Variants in ATP13A5 observed in about 807,000 individuals in gnomAD.
ATP13A5 encodes the protein ATPase 13A5.
Under a neutral mutation model 150.2 loss-of-function variants are expected in ATP13A5, and 149 were observed. That is an observed-to-expected ratio of 0.99 (90% CI 0.87 to 1.14). The LOEUF (loss-of-function observed/expected upper bound fraction) is 1.14. ATP13A5 is among the 50% of genes most tolerant of loss of function. The pLI is 0.00. For missense variants in ATP13A5, 1,383 were observed against 1,449.3 expected, an observed-to-expected ratio of 0.95 and a Z score of 0.74; for synonymous variants, 497 against 522.2, an observed-to-expected ratio of 0.95 and a Z score of 0.66.
chr3:193,367,608 T>C (rs1034446003), intron 1 of ATP13A5, among the ~76,000 whole-genome samples: 1 of 152,110 alleles, frequency 6.6e-6, no homozygotes, highest in Admixed American at 6.6e-5. Context: ...AAATCAATGA[T>C]ATATTAAAAG....
chr3:193,306,929 C>T (rs1370864773), intron 22 of ATP13A5, among the ~76,000 whole-genome samples: 1 of 152,124 alleles, frequency 6.6e-6, no homozygotes, highest in Non-Finnish European at 1.5e-5. Flanking sequence ...CTTTAATCAT[C>T]AGTTTCAAAC....
chr3:193,299,282 G>T, intron 24 of ATP13A5, 79 bp from the exon 25 acceptor site: 1 of 1,091,976 alleles, frequency 9.2e-7, no homozygotes, highest in Non-Finnish European at 1.3e-6. Flanking sequence ...CTCTTTTTAA[G>T]TCGTTAGGAG....
intron 1 of ATP13A5, among the ~76,000 whole-genome samples, chr3:193,364,551 G>A (rs1002164208): frequency 3.9e-5 from 6 of 152,090 alleles, no homozygotes; most frequent in African/African-American, 1.2e-4. Context: ...ATTCATAAGA[G>A]TCACCTCAGA....
chr3:193,355,398 C>T (rs987338661), intron 5 of ATP13A5, among the ~76,000 whole-genome samples: 1 of 152,132 alleles, frequency 6.6e-6, no homozygotes, highest in East Asian at 1.9e-4. Context: ...TTTCCAGGAT[C>T]GCAAAGCTAG....
chr3:193,326,863 T>C (rs1719484175), intron 13 of ATP13A5, 133 bp downstream of exon 13: 1 of 744,254 alleles, frequency 1.3e-6, no homozygotes, highest in Non-Finnish European at 2.3e-6. Context: ...GTTAGAATAA[T>C]TAGGAACTAG....
At position 193,305,596 on chromosome 3, in the gene ATP13A5, T is replaced by C. The variant is rs1165257825; in HGVS notation, c.2641A>G (p.Lys881Glu). The change falls in exon 23 of 30, where the codon AAA (lysine) becomes GAA (glutamate). Residue 881 changes from lysine (K) to glutamate (E), a missense_variant. This residue lies in a region of ATP13A5 where 568 missense variants were observed against 621.5 expected (regional missense o/e 0.91). Coordinates refer to ENST00000342358, the MANE Select transcript of ATP13A5 (RefSeq NM_198505.4). ...GGCACACACTGGATGTTGGTTGTTT[T>C]AGAGGTAAAAGGGGATGCCACAGAT... is the stretch of plus-strand genomic sequence containing the variant. The part of the protein sequence containing the change: ...EASVASPFTS[K>E]TTNIQCVPHL... 3 of 1,613,860 alleles carry C rather than the reference T, an allele frequency of 1.9e-6. No individual in the cohort carries two copies. The highest frequency in any genetic ancestry group is 2.5e-6 in the Non-Finnish European group (3 of 1,179,882).
At chr3:193,371,087 G>A (rs190179513) in intron 1 of ATP13A5, among the ~76,000 whole-genome samples, 5 of 152,292 alleles carry the variant, frequency 3.3e-5, no homozygotes, top group Admixed American at 2.6e-4. Flanking sequence ...AGCTGTAAGT[G>A]TGGGTCAAAA....
intron 14 of ATP13A5, 135 bp from the exon 15 acceptor site, chr3:193,322,709 T>C (rs1252309845): frequency 3.1e-6 from 2 of 648,682 alleles, no homozygotes; most frequent in Admixed American, 2.9e-5. Flanking sequence ...ATTATCTTAA[T>C]ACTGTCATTG....
chr3:193,351,067 C>T lies in ATP13A5; in HGVS notation c.741G>A (p.Gln247=), dbSNP rs1421306341. Residue 247 remains glutamine (Q), a splice_region_variant and synonymous_variant, in exon 7 of 30, where the codon CAG becomes CAA. Transcript: ENST00000342358. The part of the protein sequence containing the change: ...SIVLSVYDLR[Q]QSVKLHNLVE... Reference sequence around the variant, plus strand: ...ATCTGGCTGTGATTTCAGGTCTTACCTGTCGCAAATCATACACACTTAAGA... The same window carrying T: ...ATCTGGCTGTGATTTCAGGTCTTACTTGTCGCAAATCATACACACTTAAGA... 2 of 1,612,880 alleles carry T rather than the reference C, an allele frequency of 1.2e-6. No homozygotes were observed. Among genetic ancestry groups the T allele is most frequent in the East Asian group, 2.2e-5 (1 of 44,782 alleles).
At position 193,290,348 on chromosome 3, in the gene ATP13A5, A is replaced by C. The variant is rs148887410; in HGVS notation, c.2849-289T>G. Among the ~76,000 whole-genome samples, 13 of 152,240 alleles carry C rather than the reference A, an allele frequency of 8.5e-5. No homozygotes were observed. In the East Asian group the frequency reaches 2.5e-3, roughly 29 times the overall value. ...GTGCAACTATTTCCTCCATAACCAG[A>C]CTGACCAGAAATTGTGTGTAAAAGA... On this transcript the variant is annotated intron_variant, in intron 25 of 29. Transcript: ENST00000342358.
intron 5 of ATP13A5, among the ~76,000 whole-genome samples, chr3:193,361,246 T>A (rs1310319679): frequency 2.6e-5 from 4 of 152,236 alleles, no homozygotes; most frequent in Non-Finnish European, 5.9e-5. Context: ...ACATCTGAAA[T>A]CTTACATAAT....
intron 9 of ATP13A5, among the ~76,000 whole-genome samples, chr3:193,336,097 A>G (rs1711847233): frequency 6.6e-6 from 1 of 152,200 alleles, no homozygotes; most frequent in African/African-American, 2.4e-5. Context: ...TGGAAATAGT[A>G]TTATATCAAT....
chr3:193,275,442 C>G (rs958142636), intron 29 of ATP13A5, 140 bp from the exon 30 acceptor site: 3 of 984,102 alleles, frequency 3.0e-6, no homozygotes. Context: ...TCTCCTTTCC[C>G]AAGTTCTGGA....
intron 25 of ATP13A5, among the ~76,000 whole-genome samples, chr3:193,290,727 T>C (rs1248086843): frequency 6.6e-6 from 1 of 152,156 alleles, no homozygotes; most frequent in African/African-American, 2.4e-5. Context: ...AGGGCTTTTT[T>C]AAATTTAAAG....
intron 11 of ATP13A5, 75 bp downstream of exon 11, chr3:193,333,675 T>C: frequency 7.0e-7 from 1 of 1,427,334 alleles, no homozygotes; most frequent in Non-Finnish European, 9.7e-7. Flanking sequence ...AGATGTAACC[T>C]AAACCAATCC....
rs148527761 is a variant in ATP13A5 at position 193,364,250 on chromosome 3, G to A, written c.94C>T (p.Arg32Trp). The change falls in exon 2 of 30, where the codon CGG becomes TGG. Residue 32 changes from arginine to tryptophan, a missense_variant. Arg to Trp is a moderately radical substitution (Grantham distance 101, BLOSUM62 -3). This residue lies in a region of ATP13A5 where 787 missense variants were observed against 771.9 expected (regional missense o/e 1.02). Coordinates refer to ENST00000342358, the MANE Select transcript of ATP13A5 (RefSeq NM_198505.4). ...EVFGYRDHNV[R>W]KAFCLVASVL... ...GATGCGACAAGGCAGAAGGCTTTCC[G>A]TACATTGTGGTCCCGGTAACCAAAC... The A allele has an allele frequency of 4.1e-5, 66 of 1,613,868 alleles. No homozygotes were observed. The African/African-American group carries it at 5.6e-4, about 14-fold the overall frequency.
intron 1 of ATP13A5, among the ~76,000 whole-genome samples, chr3:193,375,488 G>A (rs56004565): frequency 0.25 from 38,136 of 152,100 alleles, 5,154 homozygotes; most frequent in East Asian, 0.55. Context: ...CAAAGGGAGA[G>A]GCTGAGGGAA....
chr3:193,325,497 TG>T (rs1309308758), intron 13 of ATP13A5, among the ~76,000 whole-genome samples: 1 of 152,188 alleles, frequency 6.6e-6, no homozygotes, highest in Non-Finnish European at 1.5e-5. Flanking sequence ...TCATATTACT[TG>T]AAGCCAGCCC....
At chr3:193,378,461 G>A (rs966148345) in intron 1 of ATP13A5, among the ~76,000 whole-genome samples, 8 of 152,148 alleles carry the variant, frequency 5.3e-5, no homozygotes, top group Admixed American at 1.3e-4. Context: ...TCATCCAGAG[G>A]TCACAAGTTT....
Sources: gnomAD v4.1 joint callset for allele counts (sites outside exome capture counted in the v4.1 genomes callset) on GRCh38, gnomAD v4.1.1 for gene constraint, gnomAD v4.1.1 regional missense constraint, MANE v1.5 for transcripts, NCBI Gene and HGNC (gene_info 2026-07-23, HGNC 2026-07-21) for gene names.